The following KIAA0825 variants were observed in gnomAD, a reference collection of about 807,000 sequenced individuals.
KIAA0825 encodes the protein KIAA0825.
Under a neutral mutation model 147.6 loss-of-function variants are expected in KIAA0825, and 119 were observed. The observed-to-expected ratio is 0.81, with a 90% confidence interval of 0.69 to 0.94. The LOEUF is 0.94. Ranked by LOEUF, KIAA0825 falls within the 40% of genes least tolerant of loss-of-function variation. KIAA0825 has a pLI of 0.00. For missense variants in KIAA0825, 1,381 were observed against 1,472.7 expected (o/e 0.94, Z 1.02); for synonymous variants, 470 against 518.1 (o/e 0.91, Z 1.26).
chr5:94,356,727 T>C (rs1784318489), intron 20 of KIAA0825, among the ~76,000 whole-genome samples: 1 of 131,208 alleles, frequency 7.6e-6, no homozygotes, highest in South Asian at 2.4e-4. Flanking sequence ...CTTGATTTCT[T>C]TTTTTTTTTT....
rs769906802 is a variant in KIAA0825 at position 94,462,486 on chromosome 5, T to G, written c.2147A>C (p.His716Pro). Residue 716 changes from histidine (H) to proline (P), a missense_variant, in exon 12 of 21, where the codon CAT becomes CCT. Physicochemically the swap from His to Pro is moderately conservative, Grantham distance 77. Transcript: ENST00000682413. ...AAAAATTTTATCATCTGTATGCTGA[T>G]GAGGATTCAAAAGTTTCTGTACAGA... The part of the protein sequence containing the change: ...CTSVQKLLNP[H>P]QHTDDKIFKI... 1.3e-6 allele frequency: 2 copies of G among 1,543,828 alleles called. No homozygotes were observed. Among genetic ancestry groups the G allele is most frequent in the South Asian group, 1.2e-5 (1 of 83,360 alleles).
chr5:94,283,231 G>A (rs1184561513), intron 20 of KIAA0825, among the ~76,000 whole-genome samples: 1 of 152,064 alleles, frequency 6.6e-6, no homozygotes, highest in East Asian at 1.9e-4. Context: ...TTGTGCCAGT[G>A]ATTCCAAAGA....
Position 94,200,860 on chromosome 5 carries a change from C to A in KIAA0825, c.3711-46736G>T, listed in dbSNP as rs537223970. Among the ~76,000 whole-genome samples the A allele has an allele frequency of 4.7e-5, 7 of 149,520 alleles. No individual in the cohort carries two copies. In the South Asian group the frequency reaches 6.3e-4, roughly 14 times the overall value. ...TGTTGACGCTCCTTTTTCTTGATTT[C>A]TTTTTTCCTGCTATATTCCTCACTT... On this transcript the variant is annotated intron_variant, in intron 20 of 20. Coordinates refer to ENST00000682413, the MANE Select transcript of KIAA0825 (RefSeq NM_001145678.3).
intron 2 of KIAA0825, among the ~76,000 whole-genome samples, chr5:94,546,630 A>G (rs995920291): frequency 6.6e-6 from 1 of 152,026 alleles, no homozygotes; most frequent in Non-Finnish European, 1.5e-5. Flanking sequence ...ATCAAAGATT[A>G]CCAAGGTGGT....
chr5:94,482,316 A>T (rs1237843169), intron 6 of KIAA0825, among the ~76,000 whole-genome samples: 3 of 152,044 alleles, frequency 2.0e-5, no homozygotes, highest in Non-Finnish European at 4.4e-5. Flanking sequence ...AAGTGTCTGG[A>T]CATTTTTAAA....
intron 2 of KIAA0825, among the ~76,000 whole-genome samples, chr5:94,576,199 C>T (rs1781002541): frequency 1.3e-5 from 2 of 152,086 alleles, no homozygotes; most frequent in African/African-American, 2.4e-5. Flanking sequence ...AAAACCTTAA[C>T]ATATATACAA....
At chr5:94,274,680 A>G (rs1300944340) in intron 20 of KIAA0825, among the ~76,000 whole-genome samples, 2 of 152,208 alleles carry the variant, frequency 1.3e-5, no homozygotes, top group African/African-American at 4.8e-5. Context: ...CAACTTCAGC[A>G]AAAACTCATT....
intron 18 of KIAA0825, among the ~76,000 whole-genome samples, chr5:94,387,758 G>A (rs1749358891): frequency 1.3e-5 from 2 of 151,880 alleles, no homozygotes; most frequent in Admixed American, 6.6e-5. Context: ...CTAGCCGAAT[G>A]CCACCCTCAA....
Position 94,151,280 on chromosome 5 carries a change from G to A in KIAA0825, c.*2727C>T, listed in dbSNP as rs1243443777. On this transcript the variant is annotated 3_prime_UTR_variant, in exon 21 of 21. Transcript: ENST00000682413. Reference sequence around the variant, plus strand: ...AAAATACAAAAAAGTAGCCGGGCGCGGTGGCGGGCGCCTGTAGTCCCAGCT... The same window carrying A: ...AAAATACAAAAAAGTAGCCGGGCGCAGTGGCGGGCGCCTGTAGTCCCAGCT... Among the ~76,000 whole-genome samples, 3 of 151,098 alleles carry A rather than the reference G, an allele frequency of 2.0e-5. No homozygotes were observed. Among genetic ancestry groups the A allele is most frequent in the Middle Eastern group, 3.4e-3 (1 of 292 alleles).
intron 20 of KIAA0825, among the ~76,000 whole-genome samples, chr5:94,250,449 A>G (rs1775890862): frequency 6.6e-6 from 1 of 152,116 alleles, no homozygotes; most frequent in Non-Finnish European, 1.5e-5. Context: ...AATCTTCCAC[A>G]AAGTTAATAT....
intron 20 of KIAA0825, among the ~76,000 whole-genome samples, chr5:94,210,035 T>A (rs980930471): frequency 6.6e-6 from 1 of 152,212 alleles, no homozygotes; most frequent in African/African-American, 2.4e-5. Flanking sequence ...AATAAATTAT[T>A]GCCATTCTCA....
intron 5 of KIAA0825, chr5:94,519,723 A>C (rs1584759369): frequency 2.5e-6 from 2 of 790,000 alleles, no homozygotes; most frequent in East Asian, 2.6e-4. Context: ...TAAATATCCA[A>C]TTTTACTGCA....
chr5:94,311,243 G>GTTT (rs560691373), intron 20 of KIAA0825, among the ~76,000 whole-genome samples: 81 of 145,794 alleles, frequency 5.6e-4, no homozygotes, highest in African/African-American at 1.9e-3. Flanking sequence ...TGTTTTTTGG[G>GTTT]TTTTTTTTTT....
At chr5:94,588,031 C>T (rs182021447) in intron 1 of KIAA0825, among the ~76,000 whole-genome samples, 107 of 152,076 alleles carry the variant, frequency 7.0e-4, no homozygotes, top group African/African-American at 2.6e-3. Context: ...TACATCTGAC[C>T]AAAAATTGAT....
intron 20 of KIAA0825, among the ~76,000 whole-genome samples, chr5:94,350,031 G>A (rs1033618263): frequency 6.6e-6 from 1 of 152,050 alleles, no homozygotes; most frequent in Non-Finnish European, 1.5e-5. Flanking sequence ...TAGACCACTG[G>A]CAAGATTAAC....
intron 20 of KIAA0825, among the ~76,000 whole-genome samples, chr5:94,305,506 A>G (rs1474377228): frequency 1.3e-5 from 2 of 151,990 alleles, no homozygotes; most frequent in African/African-American, 4.8e-5. Flanking sequence ...AAAATGAGCT[A>G]AAGGCAACTG....
At chr5:94,358,188 G>A (rs1584243458) in intron 20 of KIAA0825, among the ~76,000 whole-genome samples, 1 of 152,174 alleles carries the variant, frequency 6.6e-6, no homozygotes, top group Non-Finnish European at 1.5e-5. Context: ...TTTTTCTTGA[G>A]TGCAAGGCAG....
chr5:94,198,273 G>A lies in KIAA0825; in HGVS notation c.3711-44149C>T, dbSNP rs183240390. Among the ~76,000 whole-genome samples, 227 of 152,196 alleles carry A rather than the reference G, an allele frequency of 1.5e-3. 1 individual carries two copies. The highest frequency in any genetic ancestry group is 5.3e-3 in the African/African-American group (221 of 41,532). ...GGCTCTCAGCTTGGATGTTATCAGTGTTTAGAAATGCTACTGATTTTTGGA... is the reference window on the plus strand; with the variant it reads ...GGCTCTCAGCTTGGATGTTATCAGTATTTAGAAATGCTACTGATTTTTGGA... On this transcript the variant is annotated intron_variant, in intron 20 of 20. Transcript: ENST00000682413.
intron 20 of KIAA0825, among the ~76,000 whole-genome samples, chr5:94,312,628 C>T (rs1353091175): frequency 1.3e-5 from 2 of 151,698 alleles, no homozygotes; most frequent in African/African-American, 4.8e-5. Context: ...CTCTTGAATT[C>T]ACACAATTAC....
Sources: allele counts gnomAD v4.1 joint callset (sites outside exome capture counted in the v4.1 genomes callset), GRCh38; gene constraint gnomAD v4.1.1; transcripts MANE v1.5; gene names NCBI Gene and HGNC (gene_info 2026-07-23, HGNC 2026-07-21).